Variants in PDXDC1 observed in about 807,000 individuals in gnomAD.
PDXDC1 encodes the protein pyridoxal dependent decarboxylase domain containing 1.
In PDXDC1, 42 loss-of-function variants were observed where a neutral mutation model predicts 100.1. The ratio of observed to expected loss-of-function variants is 0.42; its 90% CI spans 0.33 to 0.54. PDXDC1 has a LOEUF of 0.54. PDXDC1 is among the 20% of genes least tolerant of loss of function. The pLI is 0.10. For synonymous variants in PDXDC1, 260 were observed against 371.7 expected (o/e 0.70, Z 3.46); for missense variants, 636 against 979.2 (o/e 0.65, Z 4.68).
chr16:15,065,318 A>G, intron 16 of PDXDC1: 1 of 1,613,868 alleles, frequency 6.2e-7, no homozygotes, highest in Non-Finnish European at 8.5e-7. Context: ...GACTGGCAGC[A>G]TCTGGCGATT....
At chr16:15,098,887 A>C (rs2046446631) in intron 16 of PDXDC1, among the ~76,000 whole-genome samples, 1 of 152,072 alleles carries the variant, frequency 6.6e-6, no homozygotes, top group Non-Finnish European at 1.5e-5. Flanking sequence ...AAAAAAGAGC[A>C]ACTTTCTTGT....
At chr16:15,033,117 C>G (rs2151644639) in intron 18 of PDXDC1, 138 bp downstream of exon 18, 1 of 971,400 alleles carries the variant, frequency 1.0e-6, no homozygotes, top group East Asian at 2.4e-5. Context: ...CTGAGACCTC[C>G]CTCCCCTTCT....
intron 16 of PDXDC1, among the ~76,000 whole-genome samples, chr16:15,075,789 G>A (rs2045428117): frequency 6.6e-6 from 1 of 152,074 alleles, no homozygotes; most frequent in Non-Finnish European, 1.5e-5. Context: ...CACCATGGCG[G>A]GTGCTTTTGG....
At chr16:15,122,759 T>C (rs1416180461) in intron 16 of PDXDC1, among the ~76,000 whole-genome samples, 1 of 98,114 alleles carries the variant, frequency 1.0e-5, no homozygotes, top group Non-Finnish European at 2.1e-5. Flanking sequence ...AGGACAGAGG[T>C]GGAGGTGGCT....
intron 16 of PDXDC1, among the ~76,000 whole-genome samples, chr16:15,109,893 C>T (rs1296879674): frequency 1.4e-5 from 2 of 142,420 alleles, no homozygotes; most frequent in Non-Finnish European, 3.1e-5. Flanking sequence ...GTGGCTCACG[C>T]CTCTAATCCC....
the PDXDC1 span, among the ~76,000 whole-genome samples, chr16:15,144,729 G>C: frequency 6.6e-6 from 1 of 152,318 alleles, no homozygotes; most frequent in African/African-American, 2.4e-5. Flanking sequence ...CACAGGGATG[G>C]AGACTCCGGC....
At chr16:15,021,678 C>G (rs1285919038) in intron 12 of PDXDC1, among the ~76,000 whole-genome samples, 1 of 152,296 alleles carries the variant, frequency 6.6e-6, no homozygotes, top group Non-Finnish European at 1.5e-5. Flanking sequence ...GAATGCTGTC[C>G]TGCTGCTGAC....
chr16:14,993,635 T>C (rs1971350265), intron 1 of PDXDC1, among the ~76,000 whole-genome samples: 1 of 152,300 alleles, frequency 6.6e-6, no homozygotes, highest in South Asian at 2.1e-4. Context: ...CGGCATGATT[T>C]ATAATCCTTT....
At chr16:15,070,940 A>T (rs183561682) in intron 16 of PDXDC1, among the ~76,000 whole-genome samples, 1 of 152,192 alleles carries the variant, frequency 6.6e-6, no homozygotes, top group African/African-American at 2.4e-5. Flanking sequence ...TTTATATATA[A>T]AAAAGGAGAC....
chr16:15,083,377 C>T (rs569360425), intron 16 of PDXDC1: 25 of 1,367,544 alleles, frequency 1.8e-5, no homozygotes, highest in Admixed American at 8.0e-5. Context: ...CCAGCTTGGG[C>T]GACAGAGTGA....
chr16:15,114,935 T>C (rs1473371178), intron 16 of PDXDC1, among the ~76,000 whole-genome samples: 17 of 146,114 alleles, frequency 1.2e-4, no homozygotes, highest in Non-Finnish European at 2.3e-4. Context: ...AAATTTTTTT[T>C]TTTTTTTTTT....
chr16:14,975,735 G>T (rs1281226571), intron 1 of PDXDC1: 2 of 957,324 alleles, frequency 2.1e-6, no homozygotes, highest in East Asian at 2.4e-4. Context: ...GGTAAAATGC[G>T]GAGGTTCAGT....
At chr16:15,053,151 C>T (rs1474213781) in intron 16 of PDXDC1, among the ~76,000 whole-genome samples, 1 of 152,210 alleles carries the variant, frequency 6.6e-6, no homozygotes, top group Non-Finnish European at 1.5e-5. Context: ...CCTAAGTAAC[C>T]AGATGGCTCG....
intron 16 of PDXDC1, chr16:15,074,833 G>T (rs1196611169): frequency 6.2e-7 from 1 of 1,612,134 alleles, no homozygotes; most frequent in Admixed American, 1.7e-5. Context: ...ACCAGCCTTT[G>T]TTTCATGTTC....
intron 1 of PDXDC1, among the ~76,000 whole-genome samples, chr16:14,985,442 C>T (rs1359702904): frequency 6.6e-6 from 1 of 152,250 alleles, no homozygotes; most frequent in African/African-American, 2.4e-5. Context: ...CGCCCGCCAG[C>T]ACACCTGGCT....
chr16:15,028,757 A>C (rs2042823443), intron 14 of PDXDC1, 121 bp from the exon 15 acceptor site: 1 of 858,130 alleles, frequency 1.2e-6, no homozygotes, highest in South Asian at 1.7e-5. Context: ...ATGAGAATTC[A>C]GTAATACGAG....
chr16:15,020,101 G>T (rs897951985), intron 12 of PDXDC1, among the ~76,000 whole-genome samples: 1 of 135,844 alleles, frequency 7.4e-6, no homozygotes, highest in Non-Finnish European at 1.5e-5. Context: ...GACAGAGCGA[G>T]GCTCCGTCTC....
chr16:15,012,296 A>G (rs7405173), intron 8 of PDXDC1, among the ~76,000 whole-genome samples: 150,127 of 152,238 alleles, frequency 0.99, 74,008 homozygotes, highest in Middle Eastern at 1. Context: ...GTGGAGATGG[A>G]GTTTCACCGT....
Position 15,033,288 on chromosome 16 carries a change from T to C in PDXDC1, c.1701T>C (p.Tyr567=). The part of the protein sequence containing the change: ...SDLTFKIGPE[Y]KSMKSCLYVG... ...TCGTTACCTTTGCAGGCCCTGAGTA[T>C]AAGAGCATGAAGAGCTGCCTTTATG... is the stretch of plus-strand genomic sequence containing the variant. Residue 567 remains tyrosine, a synonymous_variant, in exon 19 of 23, where the codon TAT becomes TAC. Coordinates refer to ENST00000396410, the MANE Select transcript of PDXDC1 (RefSeq NM_015027.4). 6.2e-7 allele frequency: 1 copy of C among 1,614,182 alleles called. No individual in the cohort carries two copies. The highest frequency in any genetic ancestry group is 8.5e-7 in the Non-Finnish European group (1 of 1,180,026).
Sources: gnomAD v4.1 joint callset for allele counts (sites outside exome capture counted in the v4.1 genomes callset) on GRCh38, gnomAD v4.1.1 for gene constraint, MANE v1.5 for transcripts, NCBI Gene and HGNC (gene_info 2026-07-23, HGNC 2026-07-21) for gene names.